TBCA: variants seen among roughly 807,000 people sequenced by gnomAD.
The protein encoded by TBCA is tubulin folding cofactor A.
Under a neutral mutation model 15.8 loss-of-function variants are expected in TBCA, and 6 were observed. That is an observed-to-expected ratio of 0.38 (90% CI 0.21 to 0.75). The LOEUF (loss-of-function observed/expected upper bound fraction) is 0.75. TBCA is among the 30% of genes least tolerant of loss of function. TBCA has a pLI of 0.46. For synonymous variants in TBCA, 32 were observed against 42.3 expected, an observed-to-expected ratio of 0.76 and a Z score of 0.94; for missense variants, 90 against 131.2, an observed-to-expected ratio of 0.69 and a Z score of 1.53.
intron 1 of TBCA, among the ~76,000 whole-genome samples, chr5:77,751,261 A>C (rs1747331022): frequency 6.7e-6 from 1 of 148,284 alleles, no homozygotes; most frequent in Middle Eastern, 3.3e-3. Flanking sequence ...TCCCAGGTTC[A>C]AGTGATTCTC....
chr5:77,756,652 G>C (rs1747483389), intron 1 of TBCA, among the ~76,000 whole-genome samples: 1 of 151,166 alleles, frequency 6.6e-6, no homozygotes, highest in African/African-American at 2.4e-5. Flanking sequence ...AAACAGCTAG[G>C]ACTGCTTCCT....
intron 1 of TBCA, among the ~76,000 whole-genome samples, chr5:77,729,327 G>A (rs1746705592): frequency 6.6e-6 from 1 of 151,934 alleles, no homozygotes; most frequent in Non-Finnish European, 1.5e-5. Context: ...AAAAAGGAGA[G>A]AGAGAAGCAT....
chr5:77,735,031 T>A (rs1180449151), intron 1 of TBCA, among the ~76,000 whole-genome samples: 2 of 152,228 alleles, frequency 1.3e-5, no homozygotes, highest in Non-Finnish European at 2.9e-5. Context: ...ATTGCACACA[T>A]AATATACTAC....
At chr5:77,746,707 T>G (rs1413068615) in intron 1 of TBCA, among the ~76,000 whole-genome samples, 1 of 152,206 alleles carries the variant, frequency 6.6e-6, no homozygotes, top group Non-Finnish European at 1.5e-5. Flanking sequence ...CATTCATTTC[T>G]TGTAGCATTA....
chr5:77,693,136 A>G (rs759405376), intron 3 of TBCA, 130 bp downstream of exon 3: 6 of 1,513,296 alleles, frequency 4.0e-6, no homozygotes, highest in Non-Finnish European at 5.3e-6. Flanking sequence ...TTTAAAATAT[A>G]GCGGTATAAA....
At chr5:77,763,009 C>G (rs1357098301) in intron 1 of TBCA, among the ~76,000 whole-genome samples, 3 of 152,020 alleles carry the variant, frequency 2.0e-5, no homozygotes, top group African/African-American at 4.8e-5. Flanking sequence ...TTTGGGAGGC[C>G]GAGGCAGGCG....
intron 1 of TBCA, among the ~76,000 whole-genome samples, chr5:77,733,106 C>T (rs1035227642): frequency 6.6e-6 from 1 of 152,152 alleles, no homozygotes; most frequent in African/African-American, 2.4e-5. Context: ...CATGGCGAAA[C>T]CCCGTCTCTA....
chr5:77,751,911 T>A (rs926881178), intron 1 of TBCA, among the ~76,000 whole-genome samples: 1 of 152,102 alleles, frequency 6.6e-6, no homozygotes, highest in Non-Finnish European at 1.5e-5. Flanking sequence ...GCTGTCTTCT[T>A]GCGCTCAGTC....
intron 1 of TBCA, among the ~76,000 whole-genome samples, chr5:77,738,736 C>T (rs1003244098): frequency 6.8e-6 from 1 of 147,788 alleles, no homozygotes; most frequent in Admixed American, 6.7e-5. Context: ...GCATCTGCCA[C>T]CACGCCTGGC....
At chr5:77,720,206 T>C (rs1190268106) in intron 1 of TBCA, among the ~76,000 whole-genome samples, 5 of 152,090 alleles carry the variant, frequency 3.3e-5, no homozygotes, top group African/African-American at 7.2e-5. Flanking sequence ...AAACCTCTCA[T>C]TGCAACTGGT....
intron 1 of TBCA, among the ~76,000 whole-genome samples, chr5:77,709,950 C>T (rs935698129): frequency 3.9e-5 from 6 of 152,096 alleles, no homozygotes; most frequent in Admixed American, 1.3e-4. Context: ...ATATCCAGAA[C>T]GGGCAAATCT....
intron 1 of TBCA, among the ~76,000 whole-genome samples, chr5:77,736,214 C>T (rs1746899709): frequency 1.3e-5 from 2 of 151,736 alleles, no homozygotes; most frequent in Non-Finnish European, 2.9e-5. Context: ...TGGTTGCCTG[C>T]AGTCCCAGCT....
intron 1 of TBCA, among the ~76,000 whole-genome samples, chr5:77,737,530 A>C (rs1427456239): frequency 6.6e-6 from 1 of 152,188 alleles, no homozygotes; most frequent in African/African-American, 2.4e-5. Flanking sequence ...GTTCCAACTC[A>C]ACTACTTTGT....
At chr5:77,710,497 G>A (rs1746254168) in intron 1 of TBCA, among the ~76,000 whole-genome samples, 1 of 152,138 alleles carries the variant, frequency 6.6e-6, no homozygotes, top group Non-Finnish European at 1.5e-5. Flanking sequence ...GAAACCTAAA[G>A]ATGATTTTAT....
At chr5:77,742,076 G>A (rs1747049378) in intron 1 of TBCA, among the ~76,000 whole-genome samples, 1 of 152,142 alleles carries the variant, frequency 6.6e-6, no homozygotes, top group African/African-American at 2.4e-5. Flanking sequence ...AGGCCCACAG[G>A]CCAAAGCAAA....
chr5:77,691,349 G>A lies in TBCA; in HGVS notation c.*69C>T. On this transcript the variant is annotated 3_prime_UTR_variant, in exon 4 of 4. Coordinates refer to ENST00000380377, the MANE Select transcript of TBCA (RefSeq NM_004607.3). ...CATACTACTTGAACACATAGCAGTG[G>A]TCAAAAATAATGGATTGTAAAATGG... The A allele has an allele frequency of 7.5e-6, 10 of 1,324,962 alleles. No homozygotes were observed. The highest frequency in any genetic ancestry group is 1.1e-5 in the Non-Finnish European group (10 of 942,614). 82.1% of individuals were successfully genotyped at this position (1,324,962 alleles called of 1,614,324 possible). A position where few individuals can be genotyped will look rare whatever the true frequency, so the allele number is the denominator to read the frequency against.
intron 1 of TBCA, among the ~76,000 whole-genome samples, chr5:77,711,150 T>A (rs746645356): frequency 6.6e-6 from 1 of 152,326 alleles, no homozygotes; most frequent in South Asian, 2.1e-4. Flanking sequence ...TTTAAAAGAT[T>A]TGTCATACGA....
At chr5:77,701,786 C>T (rs973155762) in intron 2 of TBCA, among the ~76,000 whole-genome samples, 1 of 142,804 alleles carries the variant, frequency 7.0e-6, no homozygotes, top group Non-Finnish European at 1.5e-5. Context: ...GCAACTTGGA[C>T]GGGACTGGAG....
intron 1 of TBCA, among the ~76,000 whole-genome samples, chr5:77,749,610 G>A (rs1369514825): frequency 1.3e-5 from 2 of 152,116 alleles, no homozygotes; most frequent in African/African-American, 4.8e-5. Flanking sequence ...ATCATTAGTA[G>A]AACTATAAAT....
Sources: allele counts gnomAD v4.1 joint callset (sites outside exome capture counted in the v4.1 genomes callset), GRCh38; gene constraint gnomAD v4.1.1; transcripts MANE v1.5; gene names NCBI Gene and HGNC (gene_info 2026-07-23, HGNC 2026-07-21).